DCAF8L2: variants seen among roughly 807,000 people sequenced by gnomAD.
The protein encoded by DCAF8L2 is DDB1 and CUL4 associated factor 8 like 2, also known as DDB1- and CUL4-associated factor 8-like protein 2.
For synonymous variants in DCAF8L2, 200 were observed against 190.9 expected (o/e 1.05, Z -0.39); for missense variants, 430 against 490.7 (o/e 0.88, Z 1.17).
chrX:27,653,972 C>A (rs1929253058), intron 2 of DCAF8L2, among the ~76,000 whole-genome samples: 1 of 111,422 alleles, frequency 9.0e-6, no homozygotes, highest in African/African-American at 3.3e-5. Context: ...ATAAATATTC[C>A]GTTTCCCCTC....
At chrX:27,499,183 C>A in the DCAF8L2 span, among the ~76,000 whole-genome samples, 1 of 112,046 alleles carries the variant, frequency 8.9e-6, no homozygotes, top group African/African-American at 3.2e-5. Flanking sequence ...ATTTACATTC[C>A]CATAAACAGT....
intron 3 of DCAF8L2, among the ~76,000 whole-genome samples, chrX:27,693,457 C>T: frequency 9.0e-6 from 1 of 110,748 alleles, no homozygotes; most frequent in Non-Finnish European, 1.9e-5. Flanking sequence ...AACTTCTATC[C>T]CCTCCTATTT....
chrX:27,550,804 G>A, the DCAF8L2 span, among the ~76,000 whole-genome samples: 1 of 100,343 alleles, frequency 1.0e-5, no homozygotes, highest in East Asian at 3.3e-4. Flanking sequence ...ATATTTTATT[G>A]TGCTTTGCAG....
chrX:27,612,769 G>C (rs1217905491), intron 1 of DCAF8L2, among the ~76,000 whole-genome samples: 1 of 111,263 alleles, frequency 9.0e-6, no homozygotes, highest in African/African-American at 3.3e-5. Context: ...TATGTGTGGT[G>C]TTATTTCTGA....
the DCAF8L2 span, among the ~76,000 whole-genome samples, chrX:27,523,755 T>A: frequency 9.1e-6 from 1 of 109,542 alleles, no homozygotes; most frequent in Non-Finnish European, 1.9e-5. Context: ...CTCCTAATGC[T>A]ATCTCTCCCC....
At chrX:27,714,002 C>T (rs894571875) in intron 3 of DCAF8L2, among the ~76,000 whole-genome samples, 3 of 111,373 alleles carry the variant, frequency 2.7e-5, no homozygotes, top group Non-Finnish European at 5.7e-5. Context: ...AAGTATGACC[C>T]TTATATAGGT....
At chrX:27,583,908 A>G in the DCAF8L2 span, among the ~76,000 whole-genome samples, 3 of 111,369 alleles carry the variant, frequency 2.7e-5, no homozygotes, top group Non-Finnish European at 5.7e-5. Context: ...AATTCTTTCC[A>G]TGTAGCCAGT....
the DCAF8L2 span, among the ~76,000 whole-genome samples, chrX:27,502,962 T>C: frequency 2.3e-4 from 26 of 111,883 alleles, no homozygotes; most frequent in Admixed American, 2.4e-3. Context: ...TGTACTTCCA[T>C]ACATTGCATA....
intron 2 of DCAF8L2, among the ~76,000 whole-genome samples, chrX:27,652,779 G>A (rs745961779): frequency 2.5e-4 from 28 of 111,917 alleles, no homozygotes; most frequent in African/African-American, 8.8e-4. Context: ...CCTCTGGAGT[G>A]GAGGAGGGTA....
chrX:27,648,943 C>G (rs1929048151), intron 2 of DCAF8L2, among the ~76,000 whole-genome samples: 1 of 111,836 alleles, frequency 8.9e-6, no homozygotes, highest in South Asian at 3.7e-4. Context: ...CATATTGGAA[C>G]CAAGTTTCTT....
the DCAF8L2 span, among the ~76,000 whole-genome samples, chrX:27,485,945 T>TTTTTTTTTA: frequency 5.3e-5 from 5 of 93,924 alleles, no homozygotes; most frequent in East Asian, 3.6e-4. Context: ...TTTTTTTTTT[T>TTTTTTTTTA]GTGGTAGAAA....
chrX:27,605,919 G>A (rs1030262272), intron 1 of DCAF8L2, among the ~76,000 whole-genome samples: 1 of 110,504 alleles, frequency 9.0e-6, no homozygotes, highest in Non-Finnish European at 1.9e-5. Context: ...TCTGAGGTTA[G>A]GTGCATTTTC....
chrX:27,587,678 C>T (rs1925928860), upstream of DCAF8L2, among the ~76,000 whole-genome samples: 1 of 111,088 alleles, frequency 9.0e-6, no homozygotes, highest in Non-Finnish European at 1.9e-5. Flanking sequence ...TAACAAGAGG[C>T]TAGTTAGTGG....
At chrX:27,485,473 T>G in the DCAF8L2 span, among the ~76,000 whole-genome samples, 2 of 111,445 alleles carry the variant, frequency 1.8e-5, no homozygotes, top group East Asian at 5.6e-4. Flanking sequence ...TTAAGTATCC[T>G]TCTGTATTAC....
the DCAF8L2 span, among the ~76,000 whole-genome samples, chrX:27,525,359 CT>C: frequency 9.0e-6 from 1 of 111,315 alleles, no homozygotes; most frequent in Middle Eastern, 4.3e-3. Context: ...CAACTCCTGC[CT>C]TTTTTTGTTT....
intron 1 of DCAF8L2, among the ~76,000 whole-genome samples, chrX:27,617,250 T>C (rs1283403083): frequency 2.7e-5 from 3 of 111,101 alleles, no homozygotes; most frequent in East Asian, 5.7e-4. Context: ...AATATATAGA[T>C]ATTTAGAGGT....
At chrX:27,565,580 T>A in the DCAF8L2 span, among the ~76,000 whole-genome samples, 3 of 111,841 alleles carry the variant, frequency 2.7e-5, no homozygotes, top group Non-Finnish European at 5.6e-5. Context: ...GGTTTGGAAT[T>A]ATTCTCATTT....
chrX:27,563,725 C>T, the DCAF8L2 span, among the ~76,000 whole-genome samples: 8 of 112,286 alleles, frequency 7.1e-5, no homozygotes, highest in South Asian at 2.9e-3. Flanking sequence ...GGCAGATACA[C>T]TCCCCATTTA....
At position 27,738,406 on chromosome X, in the gene DCAF8L2, A is replaced by G. The variant is rs146093960; in HGVS notation, c.-58-8432A>G. 9.6e-3 allele frequency among the ~76,000 whole-genome samples: 1,074 copies of G among 111,402 alleles called. 15 individuals are homozygous for G. Among genetic ancestry groups the G allele is most frequent in the African/African-American group, 0.033 (1,005 of 30,645 alleles). On this transcript the variant is annotated intron_variant, in intron 4 of 4. Transcript: ENST00000451261. ...AACTTTGACTTTTCTAGGACCTCCA[A>G]TCTGCTGACCCTATTATATTTGCCA... is the stretch of plus-strand genomic sequence containing the variant.
Sources: gnomAD v4.1 joint callset for allele counts (sites outside exome capture counted in the v4.1 genomes callset) on GRCh38, gnomAD v4.1.1 for gene constraint, MANE v1.5 for transcripts, NCBI Gene and HGNC (gene_info 2026-07-23, HGNC 2026-07-21) for gene names.